MRPL28: variants seen among roughly 807,000 people sequenced by gnomAD.
MRPL28 encodes the protein mitochondrial ribosomal protein L28, also known as large ribosomal subunit protein bL28m.
A neutral mutation model predicts 26.2 loss-of-function variants in MRPL28; 25 were observed. The ratio of observed to expected loss-of-function variants is 0.95; its 90% CI spans 0.69 to 1.33. MRPL28 has a LOEUF of 1.33. Ranked by LOEUF, MRPL28 falls within the 40% of genes most tolerant of loss-of-function variation. The probability of loss-of-function intolerance (pLI) is 0.00; values close to 1 mark genes in which losing one functional copy is unlikely to be tolerated. For missense variants in MRPL28, 432 were observed against 327.2 expected, an observed-to-expected ratio of 1.32 and a Z score of -2.47; for synonymous variants, 227 against 140.1, an observed-to-expected ratio of 1.62 and a Z score of -4.38.
intron 2 of MRPL28, 147 bp downstream of exon 2, chr16:369,784 C>T: frequency 2.8e-6 from 3 of 1,057,162 alleles, no homozygotes; most frequent in Non-Finnish European, 4.1e-6. Context: ...GTTCTTCACT[C>T]AGCGTGCTCC....
chr16:369,636 T>C (rs424224), intron 2 of MRPL28: 117 of 680,592 alleles, frequency 1.7e-4, no homozygotes, highest in African/African-American at 3.7e-4. Flanking sequence ...TGCTCGCCTC[T>C]CCCACCTGCT....
At position 369,277 on chromosome 16, in the gene MRPL28, G is replaced by C. The variant is rs548579876; in HGVS notation, c.289-57C>G. ...GCTGCTTTCTCTTACATACCAAGGGGGGCCCAGGCAACTGCCCTCACCTCC... is the reference window on the plus strand; with the variant it reads ...GCTGCTTTCTCTTACATACCAAGGGCGGCCCAGGCAACTGCCCTCACCTCC... On this transcript the variant is annotated intron_variant, in intron 2 of 5. Transcript: ENST00000199706. 1.5e-4 allele frequency: 213 copies of C among 1,438,462 alleles called. No individual in the cohort carries two copies. The African/African-American group carries it at 5.9e-3, about 40-fold the overall frequency. 89.1% of individuals were successfully genotyped at this position (1,438,462 alleles called of 1,614,324 possible).
Position 367,433 on chromosome 16 carries a change from C to A in MRPL28, c.*242G>T, listed in dbSNP as rs1401838149. 6 of 714,134 alleles carry A rather than the reference C, an allele frequency of 8.4e-6. No homozygotes were observed. Among genetic ancestry groups the A allele is most frequent in the Non-Finnish European group, 2.6e-6 (1 of 382,754 alleles). The allele number at this position is 714,134 out of a possible 1,614,324, so 44.2% of individuals were successfully genotyped here. A position where few individuals can be genotyped will look rare whatever the true frequency, so the allele number is the denominator to read the frequency against. On this transcript the variant is annotated 3_prime_UTR_variant, in exon 6 of 6. Coordinates refer to ENST00000199706, the MANE Select transcript of MRPL28 (RefSeq NM_006428.5). Reference sequence around the variant, plus strand: ...CTTTACTCGCTCCCGGCCCCACGGGCACAAGGAACACTGCCGCAAACGTCG... The same window carrying A: ...CTTTACTCGCTCCCGGCCCCACGGGAACAAGGAACACTGCCGCAAACGTCG...
rs980762259 is a variant in MRPL28, at chr16:369,620, C to T, written c.288+311G>A. On this transcript the variant is annotated intron_variant, in intron 2 of 5. Transcript: ENST00000199706. ...TCGAAGCTCTGCTCGCCTCCCCCAC[C>T]TGCTCTGCTCGCCTCTCCCACCTGC... 3.3e-5 allele frequency: 24 copies of T among 717,074 alleles called. No individual in the cohort carries two copies. In the African/African-American group the frequency reaches 3.8e-4, roughly 11 times the overall value. 44.4% of individuals were successfully genotyped at this position (717,074 alleles called of 1,614,324 possible). A position where few individuals can be genotyped will look rare whatever the true frequency, so the allele number is the denominator to read the frequency against.
Position 367,396 on chromosome 16 carries a change from G to A in MRPL28, c.*279C>T, listed in dbSNP as rs771781018. ...CTCAAAGCAAAGATACACACACACA[G>A]CCTGGCCCAGACTTTACTCGCTCCC... On this transcript the variant is annotated 3_prime_UTR_variant, in exon 6 of 6. Transcript: ENST00000199706. 4 of 701,946 alleles carry A rather than the reference G, an allele frequency of 5.7e-6. No individual in the cohort carries two copies. The highest frequency in any genetic ancestry group is 1.1e-5 in the Non-Finnish European group (4 of 374,378). The allele number at this position is 701,946 out of a possible 1,614,324, so 43.5% of individuals were successfully genotyped here. A position where few individuals can be genotyped will look rare whatever the true frequency, so the allele number is the denominator to read the frequency against.
chr16:368,975 G>A (rs1336051273), intron 3 of MRPL28, 93 bp downstream of exon 3: 1 of 1,447,292 alleles, frequency 6.9e-7, no homozygotes, highest in African/African-American at 1.4e-5. Flanking sequence ...GCAGATGTCA[G>A]CGTGCCCCGG....
chr16:369,743 T>TA, intron 2 of MRPL28, 188 bp downstream of exon 2: 1 of 829,924 alleles, frequency 1.2e-6, no homozygotes, highest in South Asian at 1.6e-5. Flanking sequence ...ACCTCACCCC[T>TA]ACTTTATCAG....
At chr16:368,085 G>A (rs913557632) in intron 5 of MRPL28, among the ~76,000 whole-genome samples, 6 of 152,328 alleles carry the variant, frequency 3.9e-5, no homozygotes, top group South Asian at 2.1e-4. Context: ...GCTGGTGGCC[G>A]AGCAAACCCT....
rs998829603 is a variant in MRPL28 at position 366,970 on chromosome 16, G to A, written c.*705C>T. On this transcript the variant is annotated 3_prime_UTR_variant, in exon 6 of 6. Coordinates refer to ENST00000199706, the MANE Select transcript of MRPL28 (RefSeq NM_006428.5). ...CGCCTGTAATCCCAACACTTTGGCA[G>A]GTTGAGGCAGGTGGGTCACCTGAGG... Among the ~76,000 whole-genome samples the A allele has an allele frequency of 8.5e-5, 13 of 152,226 alleles. No homozygotes were observed. The highest frequency in any genetic ancestry group is 2.1e-4 in the South Asian group (1 of 4,836).
At position 369,942 on chromosome 16, in the gene MRPL28, T is replaced by C. The variant is rs752851675; in HGVS notation, c.277A>G (p.Asn93Asp). ...EGWILGQIYA[N>D]NDKLSKRLKK... ...GCCTGCGGACCCACCTTGTCGTTGT[T>C]GGCATATATTTGGCCCAGGATCCAG... Residue 93 changes from asparagine (N) to aspartate (D), a missense_variant, in exon 2 of 6, where the codon AAC becomes GAC. By Grantham distance (23) the Asn-to-Asp change is conservative. Transcript: ENST00000199706. 4 of 1,610,426 alleles carry C rather than the reference T, an allele frequency of 2.5e-6. No homozygotes were observed. In the South Asian group the frequency reaches 4.4e-5, roughly 18 times the overall value.
At position 368,314 on chromosome 16, in the gene MRPL28, G is replaced by C; in HGVS notation, c.663+14C>G. 6.2e-7 allele frequency: 1 copy of C among 1,612,762 alleles called. No individual in the cohort carries two copies. The highest frequency in any genetic ancestry group is 8.5e-7 in the Non-Finnish European group (1 of 1,179,530). On this transcript the variant is annotated intron_variant, in intron 5 of 5. Transcript: ENST00000199706. ...CTCTGGGCAGGCAGCATCGGCTGGT[G>C]CTCACACACTCACCTTCTCCTCCAA...
At chr16:369,485 G>C in intron 2 of MRPL28, 2 of 633,958 alleles carry the variant, frequency 3.2e-6, no homozygotes. Flanking sequence ...ATGTGTTTCA[G>C]AAACATGTGC....
chr16:369,489 C>T (rs1488912759), intron 2 of MRPL28: 3 of 633,980 alleles, frequency 4.7e-6, no homozygotes, highest in Middle Eastern at 2.5e-4. Context: ...GTTTCAGAAA[C>T]ATGTGCGACC....
At position 369,110 on chromosome 16, in the gene MRPL28, G is replaced by A. The variant is rs1263326523; in HGVS notation, c.399C>T (p.Asp133=). Reference sequence around the variant, plus strand: ...CGAGCCCATAAGCCTCATCGATGAGGTCCAGGGTCCGCATGGTCACAGTCA... The same window carrying A: ...CGAGCCCATAAGCCTCATCGATGAGATCCAGGGTCCGCATGGTCACAGTCA... The part of the protein sequence containing the change: ...FTVTVTMRTL[D]LIDEAYGLDF... The change falls in exon 3 of 6, where the codon GAC becomes GAT. Residue 133 remains aspartate (D), a synonymous_variant. Coordinates refer to ENST00000199706, the MANE Select transcript of MRPL28 (RefSeq NM_006428.5). 3 of 1,613,916 alleles carry A rather than the reference G, an allele frequency of 1.9e-6. No homozygotes were observed. Among genetic ancestry groups the A allele is most frequent in the South Asian group, 2.2e-5 (2 of 91,092 alleles).
intron 2 of MRPL28, 53 bp downstream of exon 2, chr16:369,867 TCCGGCACAGAG>T (rs2054303800): frequency 6.5e-7 from 1 of 1,550,188 alleles, no homozygotes. Flanking sequence ...ACCCCGGGCG[TCCGGCACAGAG>T]CCGGCACAGC....
rs763084103 is a variant in MRPL28 at position 367,307 on chromosome 16, C to T, written c.*368G>A. The stretch of plus-strand genomic sequence containing the variant: ...CCAGAGTCAATGCCCACGGCTCATC[C>T]GAGGTCTCAGGGGCAGCAAGGGCAG... On this transcript the variant is annotated 3_prime_UTR_variant, in exon 6 of 6. Transcript: ENST00000199706. 28 of 606,522 alleles carry T rather than the reference C, an allele frequency of 4.6e-5. No homozygotes were observed. The highest frequency in any genetic ancestry group is 6.7e-5 in the Non-Finnish European group (22 of 327,242). The allele number at this position is 606,522 out of a possible 1,614,324, so 37.6% of individuals were successfully genotyped here. A position where few individuals can be genotyped will look rare whatever the true frequency, so the allele number is the denominator to read the frequency against.
chr16:369,311 G>C, intron 2 of MRPL28, 91 bp from the exon 3 acceptor site: 2 of 1,500,206 alleles, frequency 1.3e-6, no homozygotes, highest in South Asian at 1.2e-5. Context: ...CCCCCCCGGA[G>C]GCTCCATCAC....
At chr16:369,538 A>C in intron 2 of MRPL28, 1 of 693,354 alleles carries the variant, frequency 1.4e-6, no homozygotes, top group Non-Finnish European at 2.7e-6. Flanking sequence ...CCTGGAGGTG[A>C]CACAAGTCTC....
chr16:370,507 G>C lies in MRPL28; in HGVS notation c.-16C>G, dbSNP rs945229735. On this transcript the variant is annotated 5_prime_UTR_variant, in exon 1 of 6. Coordinates refer to ENST00000199706, the MANE Select transcript of MRPL28 (RefSeq NM_006428.5). ...CACCTGCCCGCGCCCACCTTTCAGG[G>C]TTCAGAGCCCACCGGAACCGGAAGC... 2 of 947,874 alleles carry C rather than the reference G, an allele frequency of 2.1e-6. No homozygotes were observed. Among genetic ancestry groups the C allele is most frequent in the African/African-American group, 4.5e-5 (2 of 44,220 alleles). The allele number at this position is 947,874 out of a possible 1,614,324, so 58.7% of individuals were successfully genotyped here. A position where few individuals can be genotyped will look rare whatever the true frequency, so the allele number is the denominator to read the frequency against.
Sources: allele counts gnomAD v4.1 joint callset (sites outside exome capture counted in the v4.1 genomes callset), GRCh38; gene constraint gnomAD v4.1.1; transcripts MANE v1.5; gene names NCBI Gene and HGNC (gene_info 2026-07-23, HGNC 2026-07-21).